The following ATP8B3 variants were observed in gnomAD, a reference collection of about 807,000 sequenced individuals.
The protein encoded by ATP8B3 is phospholipid-transporting ATPase IK.
Under a neutral mutation model 140.9 loss-of-function variants are expected in ATP8B3, and 141 were observed. The observed-to-expected ratio is 1.00, with a 90% CI of 0.87 to 1.15. The LOEUF is 1.15. Ranked by LOEUF, ATP8B3 falls within the 50% of genes most tolerant of loss-of-function variation. ATP8B3 has a pLI of 0.00. For missense variants in ATP8B3, 1,874 were observed against 1,740.6 expected (o/e 1.08, Z -1.36); for synonymous variants, 765 against 714.6 (o/e 1.07, Z -1.13).
chr19:1,800,475 G>A lies in ATP8B3; in HGVS notation c.1153-26C>T, dbSNP rs977712207. ...CTGGAAGGCAGACGCGACAGGGTGG[G>A]TGAGGGGGGCGGGGGTCCCCCACTC... On this transcript the variant is annotated intron_variant, in intron 12 of 28. Transcript: ENST00000310127. This position sits in a 1 kb window ranked among gnomAD's most constrained non-coding sequence, Gnocchi z 4.4. 2.6e-6 allele frequency: 4 copies of A among 1,562,572 alleles called. No individual in the cohort carries two copies. The highest frequency in any genetic ancestry group is 2.6e-6 in the Non-Finnish European group (3 of 1,140,178).
At position 1,784,350 on chromosome 19, in the gene ATP8B3, G is replaced by T. The variant is rs78641494; in HGVS notation, c.3660+469C>A. On this transcript the variant is annotated intron_variant, in intron 28 of 28. Coordinates refer to ENST00000310127, the MANE Select transcript of ATP8B3 (RefSeq NM_138813.4). ...GCACCATAATGAGTCTCCATCTCTA[G>T]AAAATAACTACAAAATTAGCTGGGC... 9.6e-3 allele frequency among the ~76,000 whole-genome samples: 1,457 copies of T among 152,046 alleles called. 25 individuals are homozygous for T. Among genetic ancestry groups the T allele is most frequent in the African/African-American group, 0.033 (1,350 of 41,478 alleles).
Position 1,785,512 on chromosome 19 carries a change from G to A in ATP8B3, c.3350C>T (p.Ala1117Val), listed in dbSNP as rs771276397. The change falls in exon 26 of 29, where the codon GCG (alanine) becomes GTG (valine). Residue 1117 changes from alanine (A) to valine (V), a missense_variant. Around this residue, in one of 3 missense-constraint regions of ATP8B3, gnomAD observed 840 missense variants for 760.9 expected, o/e 1.10. Transcript: ENST00000310127. Reference protein sequence around the residue: ...PASFSDHQSFAVVVALSCLLS... With the variant: ...PASFSDHQSFVVVVALSCLLS... ...CAGGCAAGACAGGGCCACCACGACC[G>A]CAAAGGACTGGTGGTCGCTGAAGCT... 27 of 1,612,934 alleles carry A rather than the reference G, an allele frequency of 1.7e-5. No homozygotes were observed. The highest frequency in any genetic ancestry group is 5.5e-5 in the South Asian group (5 of 91,092).
At chr19:1,802,721 G>A in intron 10 of ATP8B3, 76 bp from the exon 11 acceptor site, 2 of 1,502,892 alleles carry the variant, frequency 1.3e-6, no homozygotes, top group Admixed American at 2.0e-5. Context: ...GGGTGCAGGT[G>A]AGAACATTCC....
chr19:1,789,918 A>T lies in ATP8B3; in HGVS notation c.2450T>A (p.Leu817Gln). The change falls in exon 22 of 29, where the codon CTG (leucine) becomes CAG (glutamine). Residue 817 changes from leucine (L) to glutamine (Q), a missense_variant. Coordinates refer to ENST00000310127, the MANE Select transcript of ATP8B3 (RefSeq NM_138813.4). ...LTRESLSQVK[L>Q]ALVINGDFLD... ...GAAGTCTCCGTTAATGACCAAGGCCAGCTTGACCTGCGACAGGGACTCCCT... is the reference window on the plus strand; with the variant it reads ...GAAGTCTCCGTTAATGACCAAGGCCTGCTTGACCTGCGACAGGGACTCCCT... 6.2e-7 allele frequency: 1 copy of T among 1,611,832 alleles called. No homozygotes were observed. The highest frequency in any genetic ancestry group is 8.5e-7 in the Non-Finnish European group (1 of 1,179,440).
Position 1,796,269 on chromosome 19 carries a change from G to A in ATP8B3, c.1754-4C>T, listed in dbSNP as rs1489322380. Reference sequence around the variant, plus strand: ...GCCGCCTGGTACAACAGCTGGTCTGGTAGGGAGGGGGGCCATTTTGGGGTC... The same window carrying A: ...GCCGCCTGGTACAACAGCTGGTCTGATAGGGAGGGGGGCCATTTTGGGGTC... On this transcript the variant is annotated splice_polypyrimidine_tract_variant and splice_region_variant and intron_variant, in intron 16 of 28. Coordinates refer to ENST00000310127, the MANE Select transcript of ATP8B3 (RefSeq NM_138813.4). The A allele has an allele frequency of 1.4e-5, 22 of 1,603,702 alleles. No homozygotes were observed. The highest frequency in any genetic ancestry group is 1.9e-5 in the Non-Finnish European group (22 of 1,176,480).
chr19:1,806,817 C>T lies in ATP8B3; in HGVS notation c.616-128G>A, dbSNP rs903648037. On this transcript the variant is annotated intron_variant, in intron 6 of 28. Transcript: ENST00000310127. The surrounding 1 kb of genome is among the most constrained non-coding windows in gnomAD (Gnocchi z 5.6). ...GTCCCTGTCCGCTGGCCCCACGCCACGTTGCGTCTGCTCAGGGATCCCGGA... is the reference window on the plus strand; with the variant it reads ...GTCCCTGTCCGCTGGCCCCACGCCATGTTGCGTCTGCTCAGGGATCCCGGA... 19 of 1,061,782 alleles carry T rather than the reference C, an allele frequency of 1.8e-5. No homozygotes were observed. Among genetic ancestry groups the T allele is most frequent in the African/African-American group, 4.7e-5 (3 of 63,592 alleles). 65.8% of individuals were successfully genotyped at this position (1,061,782 alleles called of 1,614,324 possible).
rs763914274 is a variant in ATP8B3 at position 1,784,831 on chromosome 19, C to T, written c.3648G>A (p.Glu1216=). Residue 1216 remains glutamate, a synonymous_variant, in exon 28 of 29, where the codon GAG becomes GAA. Coordinates refer to ENST00000310127, the MANE Select transcript of ATP8B3 (RefSeq NM_138813.4). Reference sequence around the variant, plus strand: ...AGGCCCACCTCACCTTGGCACGTAGCTCCTTGAGGGCTGGGAAGATGACTC... The same window carrying T: ...AGGCCCACCTCACCTTGGCACGTAGTTCCTTGAGGGCTGGGAAGATGACTC... ...ALRVIFPALK[E]LRAKEEKVEE... 6.2e-7 allele frequency: 1 copy of T among 1,605,560 alleles called. No homozygotes were observed. The highest frequency in any genetic ancestry group is 8.5e-7 in the Non-Finnish European group (1 of 1,176,136).
chr19:1,785,908 A>G (rs2068291331), intron 25 of ATP8B3, among the ~76,000 whole-genome samples, 200 bp from the exon 26 acceptor site: 1 of 151,934 alleles, frequency 6.6e-6, no homozygotes, highest in African/African-American at 2.4e-5. Flanking sequence ...AGGTGGGAGG[A>G]TCGCTTAAGG....
At position 1,782,367 on chromosome 19, in the gene ATP8B3, CG is replaced by C; in HGVS notation, c.*660del. The C allele has an allele frequency of 3.8e-6, 1 of 261,790 alleles. No individual in the cohort carries two copies. The highest frequency in any genetic ancestry group is 7.2e-6 in the Non-Finnish European group (1 of 139,326). The allele number at this position is 261,790 out of a possible 1,614,324, so 16.2% of individuals were successfully genotyped here. A position where few individuals can be genotyped will look rare whatever the true frequency, so the allele number is the denominator to read the frequency against. On this transcript the variant is annotated 3_prime_UTR_variant, in exon 29 of 29. Transcript: ENST00000310127. The stretch of plus-strand genomic sequence containing the variant: ...GGGGGCAAGGATAGCTGCTCCTCCC[CG>C]GGCACCAGCAGCCACTCCATGGATG...
intron 11 of ATP8B3, 81 bp downstream of exon 11, chr19:1,802,406 T>TTTCCCCCCCCCCCCCC: frequency 2.4e-6 from 1 of 421,058 alleles, no homozygotes; most frequent in South Asian, 1.8e-5. Flanking sequence ...TCCACCCACC[T>TTTCCCCCCCCCCCCCC]ACCCACCCAC....
At position 1,805,253 on chromosome 19, in the gene ATP8B3, G is replaced by T; in HGVS notation, c.904+121C>A. ...GCCTCCCAAAGTGCTGGGATTCCAG[G>T]TGTGAGCCACTGGGCCTGGCCAGCA... On this transcript the variant is annotated intron_variant, in intron 10 of 28. Coordinates refer to ENST00000310127, the MANE Select transcript of ATP8B3 (RefSeq NM_138813.4). The surrounding 1 kb of genome is among the most constrained non-coding windows in gnomAD (Gnocchi z 5.2). The T allele has an allele frequency of 1.0e-6, 1 of 956,988 alleles. No homozygotes were observed. Among genetic ancestry groups the T allele is most frequent in the Non-Finnish European group, 1.6e-6 (1 of 613,944 alleles). The allele number at this position is 956,988 out of a possible 1,614,324, so 59.3% of individuals were successfully genotyped here.
Position 1,789,620 on chromosome 19 carries a change from G to T in ATP8B3, c.2586C>A (p.Tyr862Ter). 2 of 1,593,586 alleles carry T rather than the reference G, an allele frequency of 1.3e-6. No individual in the cohort carries two copies. The highest frequency in any genetic ancestry group is 1.7e-5 in the Admixed American group (1 of 58,266). The change falls in exon 23 of 29, where the codon TAC becomes TAA. Residue 862 changes from tyrosine to a stop codon, truncating the protein, a stop_gained. Transcript: ENST00000310127. LOFTEE classifies it high-confidence loss of function. ...ELGQSRRDFL[Y>*]ARRLSLLCRR... ...GGCACAGCAGGGACAGGCGCCTGGC[G>T]TAGAGGAAATCCCTCCTGGACTGGC...
chr19:1,808,099 G>T (rs574371221), intron 5 of ATP8B3, 123 bp downstream of exon 5: 2 of 741,366 alleles, frequency 2.7e-6, no homozygotes, highest in South Asian at 3.3e-5. Context: ...GGGTAGTAGG[G>T]ACTCAGCGCT....
Position 1,789,898 on chromosome 19 carries a change from C to A in ATP8B3, c.2470G>T (p.Asp824Tyr), listed in dbSNP as rs1416631494. 5 of 1,611,658 alleles carry A rather than the reference C, an allele frequency of 3.1e-6. No individual in the cohort carries two copies. Among genetic ancestry groups the A allele is most frequent in the African/African-American group, 2.7e-5 (2 of 74,850 alleles). Residue 824 changes from aspartate to tyrosine, a missense_variant, in exon 22 of 29, where the codon GAC becomes TAC. This residue lies in a region of ATP8B3 where 840 missense variants were observed against 760.9 expected (regional missense o/e 1.10). Transcript: ENST00000310127. ...QVKLALVING[D>Y]FLDKLLVSLR... is the part of the protein sequence containing the mutation. ...CCCTGAGCGACACTGACCAGGAAGTCTCCGTTAATGACCAAGGCCAGCTTG... is the reference window on the plus strand; with the variant it reads ...CCCTGAGCGACACTGACCAGGAAGTATCCGTTAATGACCAAGGCCAGCTTG...
Position 1,800,353 on chromosome 19 carries a change from C to G in ATP8B3, c.1249G>C (p.Val417Leu), listed in dbSNP as rs1433393763. Residue 417 changes from valine to leucine, a missense_variant, in exon 13 of 29, where the codon GTG becomes CTG. By Grantham distance (32) the Val-to-Leu change is conservative (BLOSUM62 1). This residue lies in a region of ATP8B3 where 1,032 missense variants were observed against 963.6 expected (regional missense o/e 1.07). Coordinates refer to ENST00000310127, the MANE Select transcript of ATP8B3 (RefSeq NM_138813.4). This position sits in a 1 kb window ranked among gnomAD's most constrained non-coding sequence, Gnocchi z 4.4. ...TCTGCGGCCACGCTGCTCCCATGCA[C>G]CCCCGAGAGGTAGTAGTGGTGGTCT... is the stretch of plus-strand genomic sequence containing the variant. The part of the protein sequence containing the change: ...FKDHHYYLSG[V>L]HGSSVAAESF... 1.2e-6 allele frequency: 2 copies of G among 1,612,838 alleles called. No individual in the cohort carries two copies. The highest frequency in any genetic ancestry group is 1.7e-6 in the Non-Finnish European group (2 of 1,179,872).
intron 11 of ATP8B3, 26 bp from the exon 12 acceptor site, chr19:1,802,070 C>G (rs1397854715): frequency 2.2e-6 from 2 of 919,348 alleles, no homozygotes; most frequent in Non-Finnish European, 2.8e-6. Flanking sequence ...CATCTATCCA[C>G]CCACCCACCC....
rs1467767667 is a variant in ATP8B3 at position 1,785,508 on chromosome 19, G to A, written c.3354C>T (p.Val1118=). The A allele has an allele frequency of 1.9e-5, 31 of 1,612,902 alleles. No individual in the cohort carries two copies. The Admixed American group carries it at 3.2e-4, about 16-fold the overall frequency. ...ASFSDHQSFA[V]VVALSCLLSI... ...ACAGCAGGCAAGACAGGGCCACCAC[G>A]ACCGCAAAGGACTGGTGGTCGCTGA... Residue 1118 remains valine (V), a synonymous_variant, in exon 26 of 29, where the codon GTC becomes GTT. Coordinates refer to ENST00000310127, the MANE Select transcript of ATP8B3 (RefSeq NM_138813.4).
chr19:1,790,021 A>T, intron 21 of ATP8B3, 32 bp from the exon 22 acceptor site: 181 of 996,170 alleles, frequency 1.8e-4, no homozygotes, highest in Non-Finnish European at 2.7e-4. Context: ...GGGGCAGGGG[A>T]GGGGGCGGGC....
Position 1,782,852 on chromosome 19 carries a change from T to C in ATP8B3, c.*176A>G. The C allele has an allele frequency of 1.3e-6, 1 of 789,244 alleles. No individual in the cohort carries two copies. The highest frequency in any genetic ancestry group is 2.0e-6 in the Non-Finnish European group (1 of 507,548). 48.9% of individuals were successfully genotyped at this position (789,244 alleles called of 1,614,324 possible). A position where few individuals can be genotyped will look rare whatever the true frequency, so the allele number is the denominator to read the frequency against. On this transcript the variant is annotated 3_prime_UTR_variant, in exon 29 of 29. Coordinates refer to ENST00000310127, the MANE Select transcript of ATP8B3 (RefSeq NM_138813.4). ...CTCTTGGAAAGACTCAGATAGCCTGTTGCTGCTGGTGAGCACATATTTGGG... is the reference window on the plus strand; with the variant it reads ...CTCTTGGAAAGACTCAGATAGCCTGCTGCTGCTGGTGAGCACATATTTGGG...
Sources: gnomAD v4.1 joint callset for allele counts (sites outside exome capture counted in the v4.1 genomes callset) on GRCh38, gnomAD v4.1.1 for gene constraint, gnomAD v4.1.1 regional missense constraint, Gnocchi (gnomAD v3.1) non-coding constraint, MANE v1.5 for transcripts, NCBI Gene and HGNC (gene_info 2026-07-23, HGNC 2026-07-21) for gene names.